CSNK1D: variants seen among roughly 807,000 people sequenced by gnomAD.
The protein encoded by CSNK1D is casein kinase I isoform delta.
In CSNK1D, 16 loss-of-function variants were observed where a neutral mutation model predicts 46.6. The ratio of observed to expected loss-of-function variants is 0.34; its 90% CI spans 0.23 to 0.52. CSNK1D has a LOEUF of 0.52. CSNK1D is among the 20% of genes least tolerant of loss of function. CSNK1D has a pLI of 0.95. For missense variants in CSNK1D, 398 were observed against 578.4 expected (o/e 0.69, Z 3.20); for synonymous variants, 276 against 228.2 (o/e 1.21, Z -1.89).
rs11552086 is a variant in CSNK1D at position 82,255,552 on chromosome 17, G to A, written c.213C>T (p.Cys71=). The change falls in exon 3 of 9, where the codon TGC becomes TGT. Residue 71 remains cysteine, a synonymous_variant. Coordinates refer to ENST00000314028, the MANE Select transcript of CSNK1D (RefSeq NM_001893.6). The surrounding 1 kb of genome is among the most constrained non-coding windows in gnomAD (Gnocchi z 5.9). The part of the protein sequence containing the change: ...GGVGIPTIRW[C]GAEGDYNVMV... ...TGACGTTGTAGTCCCCCTCTGCCCC[G>A]CACCATCTGATGGTGGGGATGCCCA... 6.3e-3 allele frequency: 10,227 copies of A among 1,614,008 alleles called. 49 individuals are homozygous for A. Among genetic ancestry groups the A allele is most frequent in the Non-Finnish European group, 7.3e-3 (8,571 of 1,179,914 alleles).
At chr17:82,240,899 G>A (rs1333318225), downstream of CSNK1D, among the ~76,000 whole-genome samples, 1 of 152,172 alleles carries the variant, frequency 6.6e-6, no homozygotes. Context: ...GAAGCCATGG[G>A]GCAGTGGGTC....
In CSNK1D at chr17:82,250,058, C is replaced by A; in HGVS notation, c.886-456G>T. The A allele has an allele frequency of 7.8e-7, 1 of 1,281,180 alleles. No homozygotes were observed. Among genetic ancestry groups the A allele is most frequent in the Non-Finnish European group, 1.0e-6 (1 of 983,778 alleles). 79.4% of individuals were successfully genotyped at this position (1,281,180 alleles called of 1,614,324 possible). ...CGAGGAGTACACTCAGGGTCCGGAC[C>A]CTGCAGCCTCCAACAGCCTGTGCAG... On this transcript the variant is annotated intron_variant, in intron 6 of 8. Transcript: ENST00000314028. This position sits in a 1 kb window ranked among gnomAD's most constrained non-coding sequence, Gnocchi z 4.6.
chr17:82,261,644 A>G (rs1164002726), intron 2 of CSNK1D, among the ~76,000 whole-genome samples: 1 of 152,210 alleles, frequency 6.6e-6, no homozygotes, highest in Non-Finnish European at 1.5e-5. Context: ...AAAACTTACA[A>G]ACAGGTGAGC....
chr17:82,248,537 G>A lies in CSNK1D; in HGVS notation c.1197+338C>T, dbSNP rs776832239. 64 of 1,164,352 alleles carry A rather than the reference G, an allele frequency of 5.5e-5. No homozygotes were observed. The highest frequency in any genetic ancestry group is 6.3e-5 in the Non-Finnish European group (59 of 935,790). The allele number at this position is 1,164,352 out of a possible 1,614,324, so 72.1% of individuals were successfully genotyped here. ...GGGCTGGGGGCACCCACAATGGGGC[G>A]CAAGCAGGCGAGCGGTGTCAGCTGC... On this transcript the variant is annotated intron_variant, in intron 8 of 8. Coordinates refer to ENST00000314028, the MANE Select transcript of CSNK1D (RefSeq NM_001893.6). This position sits in a 1 kb window ranked among gnomAD's most constrained non-coding sequence, Gnocchi z 4.1.
chr17:82,248,533 G>T lies in CSNK1D; in HGVS notation c.1197+342C>A. The T allele has an allele frequency of 2.6e-6, 3 of 1,146,414 alleles. No individual in the cohort carries two copies. In the South Asian group the frequency reaches 6.3e-5, roughly 24 times the overall value. 71.0% of individuals were successfully genotyped at this position (1,146,414 alleles called of 1,614,324 possible). A position where few individuals can be genotyped will look rare whatever the true frequency, so the allele number is the denominator to read the frequency against. On this transcript the variant is annotated intron_variant, in intron 8 of 8. Transcript: ENST00000314028. This position sits in a 1 kb window ranked among gnomAD's most constrained non-coding sequence, Gnocchi z 4.1. The stretch of plus-strand genomic sequence containing the variant: ...CCTCGGGCTGGGGGCACCCACAATG[G>T]GGCGCAAGCAGGCGAGCGGTGTCAG...
rs1034873165 is a variant in CSNK1D, at chr17:82,246,262, G to A, written c.1198-1431C>T. 1.9e-5 allele frequency: 27 copies of A among 1,450,228 alleles called. No homozygotes were observed. In the African/African-American group the frequency reaches 3.0e-4, roughly 16 times the overall value. 89.8% of individuals were successfully genotyped at this position (1,450,228 alleles called of 1,614,324 possible). A position where few individuals can be genotyped will look rare whatever the true frequency, so the allele number is the denominator to read the frequency against. Reference sequence around the variant, plus strand: ...CTCTTCTGGAATCACTTGCTCTTAAGGCCAACAATGGCATGGGACAGGCCC... The same window carrying A: ...CTCTTCTGGAATCACTTGCTCTTAAAGCCAACAATGGCATGGGACAGGCCC... On this transcript the variant is annotated intron_variant, in intron 8 of 8. Transcript: ENST00000314028.
chr17:82,255,447 C>G lies in CSNK1D; in HGVS notation c.318G>C (p.Leu106=), dbSNP rs1264900712. 1 of 1,614,070 alleles carries G rather than the reference C, an allele frequency of 6.2e-7. No homozygotes were observed. The highest frequency in any genetic ancestry group is 1.7e-5 in the Admixed American group (1 of 60,004). Residue 106 remains leucine (L), a synonymous_variant, in exon 3 of 9, where the codon CTG becomes CTC. Transcript: ENST00000314028. The surrounding 1 kb of genome is among the most constrained non-coding windows in gnomAD (Gnocchi z 5.9). ...TCCTTACCATTTGGTCAGCAAGCAGCAGGACGGTTTTGAGGCTGAATTTCC... is the reference window on the plus strand; with the variant it reads ...TCCTTACCATTTGGTCAGCAAGCAGGAGGACGGTTTTGAGGCTGAATTTCC... ...CSRKFSLKTV[L]LLADQMISRI...
In CSNK1D at chr17:82,273,116, G is replaced by C. The variant is rs12945961; in HGVS notation, c.76+190C>G. On this transcript the variant is annotated intron_variant, in intron 1 of 8. Transcript: ENST00000314028. The surrounding 1 kb of genome is among the most constrained non-coding windows in gnomAD (Gnocchi z 5.1). Reference sequence around the variant, plus strand: ...CTGGTCCTGCCCCTCCCCCACGTCCGCTCCCCACTGCCCTCCCCACCCCTG... The same window carrying C: ...CTGGTCCTGCCCCTCCCCCACGTCCCCTCCCCACTGCCCTCCCCACCCCTG... 1.1e-4 allele frequency: 17 copies of C among 155,294 alleles called. No individual in the cohort carries two copies. The highest frequency in any genetic ancestry group is 2.2e-3 in the Middle Eastern group (1 of 456). 9.6% of individuals were successfully genotyped at this position (155,294 alleles called of 1,614,324 possible). A position where few individuals can be genotyped will look rare whatever the true frequency, so the allele number is the denominator to read the frequency against.
At chr17:82,242,386 C>T (rs990553833), downstream of CSNK1D, among the ~76,000 whole-genome samples, 4 of 152,176 alleles carry the variant, frequency 2.6e-5, no homozygotes, top group Admixed American at 6.5e-5. Context: ...CGGTGCCGCC[C>T]GAGAAGGCAG....
In CSNK1D at chr17:82,251,068, C is replaced by T. The variant is rs1012927610; in HGVS notation, c.885+311G>A. Reference sequence around the variant, plus strand: ...TGGGAATGCGCACCCCCAGCCCCCACCCTCTGCCCCCAGGGCATGCTCTGG... The same window carrying T: ...TGGGAATGCGCACCCCCAGCCCCCATCCTCTGCCCCCAGGGCATGCTCTGG... On this transcript the variant is annotated intron_variant, in intron 6 of 8. Transcript: ENST00000314028. This position sits in a 1 kb window ranked among gnomAD's most constrained non-coding sequence, Gnocchi z 4.5. 7.3e-6 allele frequency: 3 copies of T among 411,504 alleles called. No individual in the cohort carries two copies. Among genetic ancestry groups the T allele is most frequent in the Admixed American group, 3.7e-5 (1 of 26,698 alleles). The allele number at this position is 411,504 out of a possible 1,614,324, so 25.5% of individuals were successfully genotyped here. A position where few individuals can be genotyped will look rare whatever the true frequency, so the allele number is the denominator to read the frequency against.
At chr17:82,265,559 G>A in intron 2 of CSNK1D, 127 bp downstream of exon 2, 1 of 760,114 alleles carries the variant, frequency 1.3e-6, no homozygotes, top group Admixed American at 1.9e-5. Context: ...TTGTCAGGGT[G>A]TGGAGAACAC....
chr17:82,239,986 C>G (rs959641111), downstream of CSNK1D: 1 of 1,233,408 alleles, frequency 8.1e-7, no homozygotes, highest in African/African-American at 1.6e-5. Context: ...TCAGTAGGTG[C>G]GTCGTGGGCG....
rs923469174 is a variant in CSNK1D at position 82,244,560 on chromosome 17, G to A, written c.*221C>T. On this transcript the variant is annotated 3_prime_UTR_variant, in exon 9 of 9. Transcript: ENST00000314028. ...TTTTCTTCCCAGCCCCGTTACAACC[G>A]AGTTCACGTGGGGGGCCGCAGTGCA... is the stretch of plus-strand genomic sequence containing the variant. 13 of 1,480,912 alleles carry A rather than the reference G, an allele frequency of 8.8e-6. No homozygotes were observed. Among genetic ancestry groups the A allele is most frequent in the Admixed American group, 2.1e-5 (1 of 46,702 alleles). 91.7% of individuals were successfully genotyped at this position (1,480,912 alleles called of 1,614,324 possible).
chr17:82,245,964 G>A (rs1321149743), intron 8 of CSNK1D: 6 of 1,597,024 alleles, frequency 3.8e-6, no homozygotes, highest in East Asian at 2.3e-5. Context: ...CGCCCGCCAC[G>A]CGCACACTCA....
In CSNK1D at chr17:82,273,498, C is replaced by T; in HGVS notation, c.-117G>A. 4 of 1,269,722 alleles carry T rather than the reference C, an allele frequency of 3.2e-6. No homozygotes were observed. Among genetic ancestry groups the T allele is most frequent in the South Asian group, 1.3e-5 (1 of 77,622 alleles). 78.7% of individuals were successfully genotyped at this position (1,269,722 alleles called of 1,614,324 possible). A position where few individuals can be genotyped will look rare whatever the true frequency, so the allele number is the denominator to read the frequency against. ...CCGGCTCCCGGCTCCGCCCCCCTCACGGCCCCGCTTTCACCATCGCTTTCC... is the reference window on the plus strand; with the variant it reads ...CCGGCTCCCGGCTCCGCCCCCCTCATGGCCCCGCTTTCACCATCGCTTTCC... On this transcript the variant is annotated 5_prime_UTR_variant, in exon 1 of 9. The change creates a new upstream start codon in the 5' untranslated region. Coordinates refer to ENST00000314028, the MANE Select transcript of CSNK1D (RefSeq NM_001893.6). This position sits in a 1 kb window ranked among gnomAD's most constrained non-coding sequence, Gnocchi z 5.1.
At chr17:82,246,284 G>A (rs2050848613) in intron 8 of CSNK1D, 9 of 1,408,594 alleles carry the variant, frequency 6.4e-6, no homozygotes, top group African/African-American at 1.4e-5. Flanking sequence ...CATGGGACAG[G>A]CCCTCCTGAG....
chr17:82,242,953 C>G lies in CSNK1D; in HGVS notation c.*1828G>C. 1 of 985,378 alleles carries G rather than the reference C, an allele frequency of 1.0e-6. No individual in the cohort carries two copies. Among genetic ancestry groups the G allele is most frequent in the Non-Finnish European group, 1.2e-6 (1 of 829,860 alleles). The allele number at this position is 985,378 out of a possible 1,614,324, so 61.0% of individuals were successfully genotyped here. On this transcript the variant is annotated 3_prime_UTR_variant, in exon 9 of 9. Coordinates refer to ENST00000314028, the MANE Select transcript of CSNK1D (RefSeq NM_001893.6). ...GGACCACAGATATTTACAAAGCAAG[C>G]TTGCGCCACTTCAGGCCACAGCGCG...
Position 82,251,808 on chromosome 17 carries a change from G to T in CSNK1D, c.737-281C>A. 3 of 405,554 alleles carry T rather than the reference G, an allele frequency of 7.4e-6. No individual in the cohort carries two copies. The highest frequency in any genetic ancestry group is 2.1e-5 in the African/African-American group (1 of 47,660). The allele number at this position is 405,554 out of a possible 1,614,324, so 25.1% of individuals were successfully genotyped here. Reference sequence around the variant, plus strand: ...GATCAAGACCATCCTGGCTAACACAGTGAAACCCCATCTCTACTGAAAAAA... The same window carrying T: ...GATCAAGACCATCCTGGCTAACACATTGAAACCCCATCTCTACTGAAAAAA... On this transcript the variant is annotated intron_variant, in intron 5 of 8. Coordinates refer to ENST00000314028, the MANE Select transcript of CSNK1D (RefSeq NM_001893.6). The surrounding 1 kb of genome is among the most constrained non-coding windows in gnomAD (Gnocchi z 4.5).
At chr17:82,246,991 T>C in intron 8 of CSNK1D, 1 of 985,454 alleles carries the variant, frequency 1.0e-6, no homozygotes, top group Non-Finnish European at 1.2e-6. Context: ...TGGCAGAGTC[T>C]GGCAGGAAGG....
Sources: allele counts gnomAD v4.1 joint callset (sites outside exome capture counted in the v4.1 genomes callset), GRCh38; gene constraint gnomAD v4.1.1; non-coding constraint Gnocchi (gnomAD v3.1); transcripts MANE v1.5; gene names NCBI Gene and HGNC (gene_info 2026-07-23, HGNC 2026-07-21).